STX3: variants seen among roughly 807,000 people sequenced by gnomAD.
The protein encoded by STX3 is syntaxin-3.
In STX3, 19 loss-of-function variants were observed where a neutral mutation model predicts 40.2. The ratio of observed to expected loss-of-function variants is 0.47; its 90% CI spans 0.33 to 0.69. STX3 has a LOEUF of 0.69. Among genes scored for constraint, STX3 ranks in the 30% least tolerant of loss-of-function variants. The pLI, the probability that STX3 is intolerant of heterozygous loss-of-function variation, is 0.02. For synonymous variants in STX3, 122 were observed against 132.2 expected (o/e 0.92, Z 0.53); for missense variants, 364 against 366.7 (o/e 0.99, Z 0.06).
chr11:59,785,887 C>A (rs1017404808), intron 2 of STX3, among the ~76,000 whole-genome samples: 1 of 152,184 alleles, frequency 6.6e-6, no homozygotes, highest in African/African-American at 2.4e-5. Flanking sequence ...CTGCCCTGCT[C>A]CCTGTACATA....
At position 59,797,294 on chromosome 11, in the gene STX3, TATC is replaced by T. The variant is rs1228781682; in HGVS notation, c.801_803del (p.Ile268del). On this transcript the variant is annotated inframe_deletion, in exon 10 of 11. Coordinates refer to ENST00000337979, the MANE Select transcript of STX3 (RefSeq NM_004177.5). Reference sequence around the variant, plus strand: ...ATTCCTCTCTCCAGAAATTGATAATTATCATTGTGCTAGTAGTTGTGTTGCTGG... The same window carrying T: ...ATTCCTCTCTCCAGAAATTGATAATTATTGTGCTAGTAGTTGTGTTGCTGG... 1 of 1,613,622 alleles carries T rather than the reference TATC, an allele frequency of 6.2e-7. No individual in the cohort carries two copies. The highest frequency in any genetic ancestry group is 1.7e-5 in the Admixed American group (1 of 60,008).
At chr11:59,798,240 C>T (rs538350051) in intron 10 of STX3, among the ~76,000 whole-genome samples, 1 of 150,284 alleles carries the variant, frequency 6.7e-6, no homozygotes, top group Admixed American at 6.6e-5. Flanking sequence ...CGGAGTCTTG[C>T]TCTATCTCCC....
intron 10 of STX3, chr11:59,800,013 C>T (rs1053316506): frequency 1.0e-6 from 1 of 985,386 alleles, no homozygotes; most frequent in Non-Finnish European, 1.2e-6. Context: ...CTTTCTATTC[C>T]TAATTCCAGG....
chr11:59,755,503 C>G lies in STX3; in HGVS notation c.-103C>G. ...GCCTGCGCCTCCAGCTCCTTCGCCC[C>G]GGCGGGCCCGGCCGCCGCTTCCGGC... On this transcript the variant is annotated 5_prime_UTR_variant, in exon 1 of 11. Transcript: ENST00000337979. 1 of 1,394,866 alleles carries G rather than the reference C, an allele frequency of 7.2e-7. No homozygotes were observed. The highest frequency in any genetic ancestry group is 2.9e-5 in the Admixed American group (1 of 34,124). 86.4% of individuals were successfully genotyped at this position (1,394,866 alleles called of 1,614,324 possible).
intron 2 of STX3, among the ~76,000 whole-genome samples, chr11:59,784,138 A>G (rs1019748230): frequency 5.3e-5 from 8 of 152,134 alleles, no homozygotes; most frequent in African/African-American, 1.2e-4. Flanking sequence ...GAAACTTCCT[A>G]TCTCTTCCTG....
In STX3 at chr11:59,757,888, C is replaced by T. The variant is rs189445483; in HGVS notation, c.30+2253C>T. On this transcript the variant is annotated intron_variant, in intron 1 of 10. Coordinates refer to ENST00000337979, the MANE Select transcript of STX3 (RefSeq NM_004177.5). ...TTGGTGTCAGTTCACCTCCTCTTATCCCCTCTCCCCAGCCAGACTCCCAGG... is the reference window on the plus strand; with the variant it reads ...TTGGTGTCAGTTCACCTCCTCTTATTCCCTCTCCCCAGCCAGACTCCCAGG... Among the ~76,000 whole-genome samples, 3 of 152,312 alleles carry T rather than the reference C, an allele frequency of 2.0e-5. No individual in the cohort carries two copies. In the East Asian group the frequency reaches 5.8e-4, roughly 29 times the overall value.
intron 6 of STX3, 39 bp from the exon 7 acceptor site, chr11:59,793,060 T>G: frequency 1.2e-4 from 185 of 1,601,016 alleles, no homozygotes; most frequent in Non-Finnish European, 1.4e-4. Context: ...TGTTTCACCG[T>G]GATCTTATAT....
At chr11:59,770,187 ATG>A (rs752023288) in intron 1 of STX3, among the ~76,000 whole-genome samples, 1 of 146,538 alleles carries the variant, frequency 6.8e-6, no homozygotes, top group African/African-American at 2.6e-5. Flanking sequence ...TGTGTGCTGT[ATG>A]TGTATGAAAG....
In STX3 at chr11:59,775,201, G is replaced by A. The variant is rs564201175; in HGVS notation, c.114+1907G>A. ...AACTTGAATGTGTGCTGGCCTGATT[G>A]GGAAGTTGGCTGTAAACTCTCCACA... On this transcript the variant is annotated intron_variant, in intron 2 of 10. Coordinates refer to ENST00000337979, the MANE Select transcript of STX3 (RefSeq NM_004177.5). Among the ~76,000 whole-genome samples the A allele has an allele frequency of 5.9e-5, 9 of 152,274 alleles. 1 individual carries two copies. In the South Asian group the frequency reaches 1.9e-3, roughly 32 times the overall value.
intron 2 of STX3, among the ~76,000 whole-genome samples, chr11:59,781,931 G>A (rs1443589188): frequency 6.6e-6 from 1 of 152,212 alleles, no homozygotes; most frequent in Non-Finnish European, 1.5e-5. Flanking sequence ...CTCGCAATAA[G>A]TTTTCAATAC....
Position 59,795,324 on chromosome 11 carries a change from A to G in STX3, c.676-48A>G, listed in dbSNP as rs553290844. 17 of 1,506,572 alleles carry G rather than the reference A, an allele frequency of 1.1e-5. No individual in the cohort carries two copies. The South Asian group carries it at 1.9e-4, about 17-fold the overall frequency. 93.3% of individuals were successfully genotyped at this position (1,506,572 alleles called of 1,614,324 possible). On this transcript the variant is annotated intron_variant, in intron 8 of 10. Coordinates refer to ENST00000337979, the MANE Select transcript of STX3 (RefSeq NM_004177.5). The stretch of plus-strand genomic sequence containing the variant: ...GAATCCCTTCCCCGCATTGGCTAGG[A>G]CTGACCTGAGACGTTTACTTGGTGT...
At chr11:59,768,487 G>A (rs999662103) in intron 1 of STX3, among the ~76,000 whole-genome samples, 28 of 152,174 alleles carry the variant, frequency 1.8e-4, no homozygotes, top group African/African-American at 6.5e-4. Context: ...TTGGGAATAA[G>A]GGGACATAGT....
intron 2 of STX3, among the ~76,000 whole-genome samples, chr11:59,778,127 C>A (rs1864097066): frequency 6.6e-6 from 1 of 152,132 alleles, no homozygotes; most frequent in African/African-American, 2.4e-5. Context: ...ACAGAAGTTA[C>A]ATAGCACATC....
Position 59,790,550 on chromosome 11 carries a change from C to T in STX3, c.321C>T (p.Val107=). The part of the protein sequence containing the change: ...SMEKHIEEDE[V]RSSADLRIRK... ...AGAAGCATATTGAAGAAGATGAGGT[C>T]AGGTCATCGGCAGACCTTCGGATTC... Residue 107 remains valine (V), a synonymous_variant, in exon 5 of 11, where the codon GTC becomes GTT. Coordinates refer to ENST00000337979, the MANE Select transcript of STX3 (RefSeq NM_004177.5). The T allele has an allele frequency of 6.2e-7, 1 of 1,614,070 alleles. No homozygotes were observed. The highest frequency in any genetic ancestry group is 8.5e-7 in the Non-Finnish European group (1 of 1,179,948).
chr11:59,799,708 A>T, intron 10 of STX3: 1 of 985,376 alleles, frequency 1.0e-6, no homozygotes. Context: ...CTTCCATGTG[A>T]CCAGGGGATC....
intron 1 of STX3, among the ~76,000 whole-genome samples, chr11:59,771,342 C>A (rs972863848): frequency 5.3e-5 from 8 of 151,210 alleles, no homozygotes; most frequent in Non-Finnish European, 8.8e-5. Flanking sequence ...TGCGCCATTG[C>A]ATTCCAGCCT....
chr11:59,789,092 G>T lies in STX3; in HGVS notation c.289+145G>T, dbSNP rs12808724. 1.6e-3 allele frequency: 1,032 copies of T among 657,762 alleles called. 12 individuals are homozygous for T. In the African/African-American group the frequency reaches 0.017, roughly 11 times the overall value. The allele number at this position is 657,762 out of a possible 1,614,324, so 40.7% of individuals were successfully genotyped here. A position where few individuals can be genotyped will look rare whatever the true frequency, so the allele number is the denominator to read the frequency against. On this transcript the variant is annotated intron_variant, in intron 4 of 10. Coordinates refer to ENST00000337979, the MANE Select transcript of STX3 (RefSeq NM_004177.5). ...TGCTTGTGGTTTGGGCTCTGTCCCC[G>T]CAATGATCCATTGTAGCCCCAGAAA... is the stretch of plus-strand genomic sequence containing the variant.
chr11:59,787,304 G>A (rs569031), intron 3 of STX3, among the ~76,000 whole-genome samples, 168 bp downstream of exon 3: 1 of 152,020 alleles, frequency 6.6e-6, no homozygotes, highest in South Asian at 2.1e-4. Flanking sequence ...AGCTCCTACT[G>A]CCTGGCCACA....
At chr11:59,763,721 T>C (rs948775494) in intron 1 of STX3, among the ~76,000 whole-genome samples, 2 of 152,170 alleles carry the variant, frequency 1.3e-5, no homozygotes, top group Non-Finnish European at 2.9e-5. Flanking sequence ...ACAAACTATT[T>C]AGAAATAAAT....
Sources: allele counts gnomAD v4.1 joint callset (sites outside exome capture counted in the v4.1 genomes callset), GRCh38; gene constraint gnomAD v4.1.1; transcripts MANE v1.5; gene names NCBI Gene and HGNC (gene_info 2026-07-23, HGNC 2026-07-21).